Variants in DPY19L1 observed in about 807,000 individuals in gnomAD.
DPY19L1 encodes dpy-19 like C-mannosyltransferase 1.
DPY19L1 carries 35 observed loss-of-function variants against 96.9 expected under a neutral mutation model. That is an observed-to-expected ratio of 0.36 (90% CI 0.28 to 0.48). The LOEUF (loss-of-function observed/expected upper bound fraction) is 0.48. DPY19L1 is among the 20% of genes least tolerant of loss of function. The pLI is 0.99. For missense variants in DPY19L1, 521 were observed against 777.9 expected (o/e 0.67, Z 3.93); for synonymous variants, 205 against 252.6 (o/e 0.81, Z 1.79).
intron 1 of DPY19L1, among the ~76,000 whole-genome samples, chr7:35,023,833 C>CT (rs755619806): frequency 0.039 from 4,405 of 111,786 alleles, 174 homozygotes; most frequent in Middle Eastern, 0.049. Context: ...CTTTTCTTTT[C>CT]TTTTTTTTTT....
intron 6 of DPY19L1, chr7:35,000,618 G>A (rs1419786735): frequency 6.6e-6 from 1 of 152,146 alleles, no homozygotes. Context: ...ATTAGAAAGA[G>A]TAAACTTCCA....
intron 21 of DPY19L1, among the ~76,000 whole-genome samples, chr7:34,937,436 C>T (rs1438799671): frequency 1.3e-5 from 2 of 152,114 alleles, no homozygotes; most frequent in Non-Finnish European, 2.9e-5. Context: ...TGGTTTCAGA[C>T]CCTGGAAGTC....
intron 1 of DPY19L1, among the ~76,000 whole-genome samples, chr7:35,023,919 T>A (rs1475668262): frequency 7.3e-6 from 1 of 136,842 alleles, no homozygotes; most frequent in Non-Finnish European, 1.5e-5. Context: ...CACTGCAAAC[T>A]CCGCCTCCCG....
At chr7:34,944,365 CAAAAAAAAAA>C (rs60937482) in intron 16 of DPY19L1, among the ~76,000 whole-genome samples, 5 of 82,306 alleles carry the variant, frequency 6.1e-5, no homozygotes, top group African/African-American at 1.5e-4. Context: ...GGCTCTGTCT[CAAAAAAAAAA>C]AAAAAAAAAG....
chr7:35,005,871 C>T (rs558218588), intron 6 of DPY19L1, among the ~76,000 whole-genome samples: 1 of 151,900 alleles, frequency 6.6e-6, no homozygotes, highest in South Asian at 2.1e-4. Flanking sequence ...GGGATGAACA[C>T]ATTCTGAGGC....
chr7:34,946,918 C>A (rs1294964926), intron 15 of DPY19L1, among the ~76,000 whole-genome samples: 1 of 152,186 alleles, frequency 6.6e-6, no homozygotes, highest in African/African-American at 2.4e-5. Context: ...ATAATATGAA[C>A]AATTGTTATA....
At chr7:34,987,059 T>C (rs925754665) in intron 7 of DPY19L1, among the ~76,000 whole-genome samples, 15 of 151,956 alleles carry the variant, frequency 9.9e-5, no homozygotes, top group Admixed American at 7.9e-4. Flanking sequence ...ATCAAAAAAT[T>C]GGAGAAAAAT....
At chr7:35,031,751 C>T (rs1161990354) in intron 1 of DPY19L1, among the ~76,000 whole-genome samples, 1 of 152,028 alleles carries the variant, frequency 6.6e-6, no homozygotes, top group African/African-American at 2.4e-5. Flanking sequence ...TGCTAATGAG[C>T]ATCACATATT....
chr7:35,027,499 T>C (rs1440555016), intron 1 of DPY19L1, among the ~76,000 whole-genome samples: 4 of 151,974 alleles, frequency 2.6e-5, no homozygotes, highest in Non-Finnish European at 4.4e-5. Flanking sequence ...AATAGAGATA[T>C]TGAGTTTCAA....
At chr7:34,970,447 A>G (rs984755529) in intron 8 of DPY19L1, among the ~76,000 whole-genome samples, 3 of 152,222 alleles carry the variant, frequency 2.0e-5, no homozygotes, top group Non-Finnish European at 4.4e-5. Flanking sequence ...AATGCAGATC[A>G]GCAGAGTGAA....
intron 8 of DPY19L1, among the ~76,000 whole-genome samples, chr7:34,971,523 G>GA (rs1347111077): frequency 1.3e-5 from 2 of 152,168 alleles, no homozygotes; most frequent in African/African-American, 2.4e-5. Context: ...CAGGAGTGGT[G>GA]AAAGCAGCAG....
chr7:34,965,761 G>A (rs1466691593), intron 10 of DPY19L1, among the ~76,000 whole-genome samples: 1 of 152,074 alleles, frequency 6.6e-6, no homozygotes, highest in African/African-American at 2.4e-5. Flanking sequence ...AAACTAATGA[G>A]AGAAGACAAT....
intron 6 of DPY19L1, among the ~76,000 whole-genome samples, chr7:35,003,710 G>C (rs1785485679): frequency 1.3e-5 from 2 of 152,196 alleles, no homozygotes; most frequent in African/African-American, 2.4e-5. Flanking sequence ...GAGGAATCAG[G>C]CTCCTGGTTG....
chr7:35,027,071 C>A (rs1172558097), intron 1 of DPY19L1, among the ~76,000 whole-genome samples: 2 of 152,108 alleles, frequency 1.3e-5, no homozygotes, highest in Admixed American at 6.5e-5. Context: ...GTGGCAAGCA[C>A]CTGTAATCCG....
chr7:34,971,605 GA>G (rs2128668232), intron 8 of DPY19L1, among the ~76,000 whole-genome samples: 1 of 152,300 alleles, frequency 6.6e-6, no homozygotes, highest in East Asian at 1.9e-4. Context: ...AGACAATGAA[GA>G]AGGCTCTAAA....
At chr7:34,988,241 C>T (rs1359846541) in intron 7 of DPY19L1, 1 of 152,086 alleles carries the variant, frequency 6.6e-6, no homozygotes, top group Non-Finnish European at 1.5e-5. Context: ...TCCTGGTGGT[C>T]TAGGTTCCAA....
chr7:34,970,739 G>A (rs1164611794), intron 8 of DPY19L1, among the ~76,000 whole-genome samples: 4 of 151,762 alleles, frequency 2.6e-5, no homozygotes, highest in Admixed American at 6.6e-5. Flanking sequence ...TAAAGAATGC[G>A]CTGTGGGGAG....
At position 35,037,270 on chromosome 7, in the gene DPY19L1, C is replaced by A; in HGVS notation, c.125G>T (p.Arg42Leu). The A allele has an allele frequency of 3.2e-6, 1 of 316,326 alleles. No individual in the cohort carries two copies. The highest frequency in any genetic ancestry group is 5.7e-6 in the Non-Finnish European group (1 of 174,006). The allele number at this position is 316,326 out of a possible 1,614,324, so 19.6% of individuals were successfully genotyped here. The change falls in exon 1 of 22, where the codon CGC becomes CTC. Residue 42 changes from arginine to leucine, a missense_variant. Physicochemically the swap from Arg to Leu is moderately radical, Grantham distance 102. Coordinates refer to ENST00000638088, the MANE Select transcript of DPY19L1 (RefSeq NM_001366673.1). ...DVGAGEPGPE[R>L]APLSPGRKGA... ...CTTGCGCCCCGGGGACAGGGGCGCG[C>A]GCTCGGGCCCCGGCTCCCCGGCGCC...
intron 6 of DPY19L1, among the ~76,000 whole-genome samples, chr7:35,006,602 A>T (rs1345844801): frequency 6.6e-6 from 1 of 152,216 alleles, no homozygotes; most frequent in East Asian, 1.9e-4. Context: ...CGTAAGTATA[A>T]ATCAATACAG....
Sources: allele counts gnomAD v4.1 joint callset (sites outside exome capture counted in the v4.1 genomes callset), GRCh38; gene constraint gnomAD v4.1.1; transcripts MANE v1.5; gene names NCBI Gene and HGNC (gene_info 2026-07-23, HGNC 2026-07-21).